The following AGBL4 variants were observed in gnomAD, a reference collection of about 807,000 sequenced individuals.
The protein encoded by AGBL4 is cytosolic carboxypeptidase 6.
A neutral mutation model predicts 66.4 loss-of-function variants in AGBL4; 58 were observed. The observed-to-expected ratio is 0.87, with a 90% CI of 0.71 to 1.09. The LOEUF (loss-of-function observed/expected upper bound fraction) is 1.09. Ranked by LOEUF, AGBL4 falls within the 50% of genes least tolerant of loss-of-function variation. AGBL4 has a pLI of 0.00. For missense variants in AGBL4, 579 were observed against 631.0 expected, an observed-to-expected ratio of 0.92 and a Z score of 0.88; for synonymous variants, 234 against 222.9, an observed-to-expected ratio of 1.05 and a Z score of -0.44.
intron 3 of AGBL4, among the ~76,000 whole-genome samples, chr1:49,554,979 C>T (rs888361384): frequency 6.6e-6 from 1 of 152,026 alleles, no homozygotes; most frequent in Admixed American, 6.6e-5. Context: ...CAGCACGGAC[C>T]CAAAGAGTGA....
At chr1:49,717,372 T>C (rs1021101857) in intron 2 of AGBL4, among the ~76,000 whole-genome samples, 3 of 152,082 alleles carry the variant, frequency 2.0e-5, no homozygotes, top group Non-Finnish European at 4.4e-5. Flanking sequence ...TGGTATCTCA[T>C]TGTGGCTTAG....
intron 6 of AGBL4, among the ~76,000 whole-genome samples, chr1:48,751,278 G>C (rs1651694310): frequency 6.6e-6 from 1 of 152,180 alleles, no homozygotes; most frequent in Non-Finnish European, 1.5e-5. Flanking sequence ...TCATCTAAAA[G>C]CTCAAGGGTC....
intron 4 of AGBL4, among the ~76,000 whole-genome samples, chr1:49,112,241 A>T (rs1645426552): frequency 6.6e-6 from 1 of 152,230 alleles, no homozygotes; most frequent in African/African-American, 2.4e-5. Flanking sequence ...CTGGAGTATA[A>T]CATAGTGATA....
chr1:48,634,382 T>C, intron 9 of AGBL4, 111 bp downstream of exon 9: 1 of 828,532 alleles, frequency 1.2e-6, no homozygotes, highest in Non-Finnish European at 1.9e-6. Context: ...CTCCCTGGTT[T>C]TAGCTATGTA....
At chr1:49,872,716 T>G (rs1053730717) in intron 1 of AGBL4, among the ~76,000 whole-genome samples, 1 of 152,108 alleles carries the variant, frequency 6.6e-6, no homozygotes, top group African/African-American at 2.4e-5. Flanking sequence ...AAATTATTAT[T>G]CTTGCTGCTT....
intron 11 of AGBL4, among the ~76,000 whole-genome samples, chr1:48,583,584 G>A (rs1324766799): frequency 6.6e-6 from 1 of 152,196 alleles, no homozygotes; most frequent in Non-Finnish European, 1.5e-5. Flanking sequence ...GGTTAGACAA[G>A]TGTGAAGGTC....
At chr1:49,529,170 G>T (rs1431948407) in intron 3 of AGBL4, among the ~76,000 whole-genome samples, 4 of 152,118 alleles carry the variant, frequency 2.6e-5, no homozygotes, top group South Asian at 2.1e-4. Flanking sequence ...GTAATGCTGA[G>T]AATAGGTAAA....
intron 3 of AGBL4, among the ~76,000 whole-genome samples, chr1:49,658,902 T>G (rs1646211205): frequency 1.3e-5 from 2 of 151,966 alleles, no homozygotes. Context: ...GAGATATACC[T>G]AATGTAAATG....
At chr1:49,890,382 T>TTG (rs1648518334) in intron 1 of AGBL4, among the ~76,000 whole-genome samples, 1 of 152,126 alleles carries the variant, frequency 6.6e-6, no homozygotes, top group Non-Finnish European at 1.5e-5. Flanking sequence ...CAACACTCAT[T>TTG]CAGGGGCCCT....
At chr1:49,717,345 T>A (rs1648230150) in intron 2 of AGBL4, among the ~76,000 whole-genome samples, 1 of 152,090 alleles carries the variant, frequency 6.6e-6, no homozygotes, top group African/African-American at 2.4e-5. Context: ...ATAGTAGCCA[T>A]TCTGGCTTTT....
chr1:49,196,834 T>C (rs1647278749), intron 4 of AGBL4, among the ~76,000 whole-genome samples: 2 of 152,022 alleles, frequency 1.3e-5, no homozygotes, highest in Non-Finnish European at 2.9e-5. Context: ...CCATTGGTTT[T>C]TGTTGTTTTT....
intron 11 of AGBL4, among the ~76,000 whole-genome samples, chr1:48,559,843 G>C (rs1644371075): frequency 6.6e-6 from 1 of 151,882 alleles, no homozygotes; most frequent in South Asian, 2.1e-4. Context: ...TTCCCCTCTT[G>C]GTTATAAATT....
chr1:48,963,929 T>C (rs1371464386), intron 5 of AGBL4, among the ~76,000 whole-genome samples: 1 of 152,246 alleles, frequency 6.6e-6, no homozygotes, highest in Non-Finnish European at 1.5e-5. Flanking sequence ...GTATTTACTA[T>C]GTGCAAGGCT....
intron 3 of AGBL4, among the ~76,000 whole-genome samples, chr1:49,640,063 C>G (rs1645751069): frequency 6.6e-6 from 1 of 152,086 alleles, no homozygotes; most frequent in African/African-American, 2.4e-5. Flanking sequence ...TCAGTGGGGC[C>G]ATCCTCACTG....
At chr1:48,842,645 G>T (rs1646830880) in intron 6 of AGBL4, among the ~76,000 whole-genome samples, 1 of 152,182 alleles carries the variant, frequency 6.6e-6, no homozygotes, top group Non-Finnish European at 1.5e-5. Context: ...ACTGCTGTAT[G>T]ATCCGGCAAT....
intron 3 of AGBL4, among the ~76,000 whole-genome samples, chr1:49,334,894 A>T (rs1645402940): frequency 1.3e-5 from 2 of 152,246 alleles, no homozygotes; most frequent in African/African-American, 4.8e-5. Flanking sequence ...GCCTGGTTTT[A>T]TGTCCAACTG....
At chr1:49,826,223 T>C (rs965555054) in intron 2 of AGBL4, among the ~76,000 whole-genome samples, 4 of 152,022 alleles carry the variant, frequency 2.6e-5, no homozygotes, top group Admixed American at 1.3e-4. Flanking sequence ...CACAGGGAAG[T>C]TTTTTAAAAA....
At chr1:48,839,931 G>A (rs1357956801) in intron 6 of AGBL4, among the ~76,000 whole-genome samples, 1 of 152,112 alleles carries the variant, frequency 6.6e-6, no homozygotes, top group Non-Finnish European at 1.5e-5. Flanking sequence ...AAGAAGTCCT[G>A]TAACTTGCTT....
intron 3 of AGBL4, among the ~76,000 whole-genome samples, chr1:49,635,994 A>G (rs1184611092): frequency 6.6e-6 from 1 of 152,222 alleles, no homozygotes; most frequent in African/African-American, 2.4e-5. Context: ...TAAGGCCTCA[A>G]ACATGAAGCT....
Sources: allele counts gnomAD v4.1 joint callset (sites outside exome capture counted in the v4.1 genomes callset), GRCh38; gene constraint gnomAD v4.1.1; transcripts MANE v1.5; gene names NCBI Gene and HGNC (gene_info 2026-07-23, HGNC 2026-07-21).